The following TJP1 variants were observed in gnomAD, a reference collection of about 807,000 sequenced individuals.
TJP1 encodes the protein tight junction protein 1, also known as tight junction protein ZO-1.
A neutral mutation model predicts 194.2 loss-of-function variants in TJP1; 43 were observed. That is an observed-to-expected ratio of 0.22 (90% confidence interval 0.17 to 0.29). TJP1 has a LOEUF of 0.29. TJP1 is among the 10% of genes least tolerant of loss of function. TJP1 has a pLI of 1.00. For synonymous variants in TJP1, 801 were observed against 779.0 expected (o/e 1.03, Z -0.47); for missense variants, 1,971 against 2,185.7 (o/e 0.90, Z 1.96).
At chr15:29,832,441 A>G (rs1323782481) in intron 2 of TJP1, among the ~76,000 whole-genome samples, 1 of 152,204 alleles carries the variant, frequency 6.6e-6, no homozygotes, top group South Asian at 2.1e-4. Flanking sequence ...CAGAATCATG[A>G]TTGTTTTTTA....
chr15:29,914,828 C>A (rs553752563), intron 2 of TJP1, among the ~76,000 whole-genome samples: 1 of 151,924 alleles, frequency 6.6e-6, no homozygotes, highest in South Asian at 2.1e-4. Context: ...CTTGGGCCAT[C>A]TGGCCCCTCT....
intron 26 of TJP1, among the ~76,000 whole-genome samples, chr15:29,704,856 A>G (rs1180840306): frequency 1.3e-5 from 2 of 152,252 alleles, no homozygotes; most frequent in Non-Finnish European, 2.9e-5. Flanking sequence ...TTAAAACAGG[A>G]TATCCCCAAA....
At chr15:29,889,076 AGC>A (rs1428299028) in intron 2 of TJP1, among the ~76,000 whole-genome samples, 40 of 152,212 alleles carry the variant, frequency 2.6e-4, no homozygotes, top group Non-Finnish European at 5.1e-4. Flanking sequence ...TAAATAAGTG[AGC>A]AGGCCTCCAA....
chr15:29,782,767 AAT>A (rs2047444265), intron 2 of TJP1, among the ~76,000 whole-genome samples: 1 of 152,128 alleles, frequency 6.6e-6, no homozygotes, highest in South Asian at 2.1e-4. Flanking sequence ...CAACCTACAG[AAT>A]ATGAGAAAAC....
intron 16 of TJP1, 130 bp downstream of exon 16, chr15:29,727,807 G>C (rs1331660345): frequency 3.0e-6 from 2 of 668,210 alleles, no homozygotes; most frequent in African/African-American, 1.8e-5. Context: ...TTTTCAGTAA[G>C]GGCTTAATTT....
chr15:29,945,776 AACACACACAC>A (rs371167321), intron 2 of TJP1, among the ~76,000 whole-genome samples: 2,204 of 150,130 alleles, frequency 0.015, 22 homozygotes, highest in Admixed American at 0.022. Context: ...AAGGCTATTA[AACACACACAC>A]ACACACACAC....
At chr15:29,777,811 C>T (rs2047111886) in intron 2 of TJP1, among the ~76,000 whole-genome samples, 1 of 152,190 alleles carries the variant, frequency 6.6e-6, no homozygotes, top group Non-Finnish European at 1.5e-5. Flanking sequence ...CAAGGTTATT[C>T]ATTGCAGACT....
At chr15:29,806,413 T>C (rs541475866) in intron 1 of TJP1, among the ~76,000 whole-genome samples, 11 of 152,296 alleles carry the variant, frequency 7.2e-5, no homozygotes, top group African/African-American at 9.6e-5. Context: ...TTATCTGACA[T>C]CATAAAATAA....
intron 2 of TJP1, among the ~76,000 whole-genome samples, chr15:29,899,306 T>C (rs909796842): frequency 3.9e-5 from 6 of 152,368 alleles, no homozygotes; most frequent in African/African-American, 1.4e-4. Flanking sequence ...CAAATCCTTA[T>C]TTTATGTTTT....
rs943377525 is a variant in TJP1, at chr15:29,822,395, C to G, written c.-367G>C. 3.0e-6 allele frequency: 3 copies of G among 1,006,852 alleles called. No individual in the cohort carries two copies. In the African/African-American group the frequency reaches 5.2e-5, roughly 17 times the overall value. The allele number at this position is 1,006,852 out of a possible 1,614,324, so 62.4% of individuals were successfully genotyped here. ...CTCGGAAGCCGGCTTCGCCACGTAA[C>G]TTCCCGGGAACCGGCGGCCGCCAAG... is the stretch of plus-strand genomic sequence containing the variant. On this transcript the variant is annotated 5_prime_UTR_variant, in exon 1 of 28. Coordinates refer to ENST00000614355, the MANE Select transcript of TJP1 (RefSeq NM_001330239.4).
intron 2 of TJP1, among the ~76,000 whole-genome samples, chr15:29,895,924 C>A (rs1375273385): frequency 6.6e-6 from 1 of 152,030 alleles, no homozygotes; most frequent in Non-Finnish European, 1.5e-5. Context: ...TGGGGAGAGC[C>A]CACTCTCTCT....
intron 2 of TJP1, among the ~76,000 whole-genome samples, chr15:29,856,750 G>A (rs886166456): frequency 1.3e-5 from 2 of 151,754 alleles, no homozygotes; most frequent in African/African-American, 4.8e-5. Context: ...GAGGCGGGCA[G>A]ATCACGAGGT....
chr15:29,843,679 T>C (rs2051309831), intron 2 of TJP1, among the ~76,000 whole-genome samples: 2 of 152,084 alleles, frequency 1.3e-5, no homozygotes, highest in African/African-American at 4.8e-5. Context: ...AAGAAAAATA[T>C]GTGAAATGTT....
Position 29,772,125 on chromosome 15 carries a change from T to C in TJP1, c.251A>G (p.Asp84Gly), listed in dbSNP as rs755473377. ...RVAMVNGVSM[D>G]NVEHAFAVQQ... The stretch of plus-strand genomic sequence containing the variant: ...AACAGCAAAAGCATGTTCAACATTA[T>C]CCATTGAAACTCCGTTAACCATTGC... Residue 84 changes from aspartate to glycine, a missense_variant, in exon 4 of 28, where the codon GAT becomes GGT. Around this residue, in one of 5 missense-constraint regions of TJP1, gnomAD observed 245 missense variants for 336.6 expected, o/e 0.73. Transcript: ENST00000614355. The C allele has an allele frequency of 1.9e-6, 3 of 1,606,844 alleles. No homozygotes were observed. The highest frequency in any genetic ancestry group is 1.7e-5 in the Admixed American group (1 of 57,748).
In TJP1 at chr15:29,718,713, T is replaced by A; in HGVS notation, c.3429A>T (p.Arg1143Ser). 1 of 1,614,170 alleles carries A rather than the reference T, an allele frequency of 6.2e-7. No homozygotes were observed. The highest frequency in any genetic ancestry group is 8.5e-7 in the Non-Finnish European group (1 of 1,180,024). The change falls in exon 21 of 28, where the codon AGA becomes AGT. Residue 1143 changes from arginine to serine, a missense_variant. By Grantham distance (110) the Arg-to-Ser change is moderately radical. Around this residue, in one of 5 missense-constraint regions of TJP1, gnomAD observed 1,108 missense variants for 1,128.5 expected, o/e 0.98. Coordinates refer to ENST00000614355, the MANE Select transcript of TJP1 (RefSeq NM_001330239.4). ...EEPAPLSYDS[R>S]PRYEQAPRAS... is the part of the protein sequence containing the mutation. ...CTCTAGGTGCCTGTTCGTAACGTGG[T>A]CTGCTGTCGTAAGACAGAGGGGCTG...
chr15:29,966,105 G>A (rs907625782), intron 1 of TJP1, among the ~76,000 whole-genome samples: 4 of 152,192 alleles, frequency 2.6e-5, no homozygotes, highest in African/African-American at 9.7e-5. Flanking sequence ...TTCAGAAGCA[G>A]AACCCCAATG....
rs201899316 is a variant in TJP1 at position 29,718,913 on chromosome 15, G to A, written c.3229C>T (p.Arg1077Cys). ...GGGACGCGATCTTCGTATCGCAGACGATGTTCATAGTTTCGAGAAAACTGG... is the reference window on the plus strand; with the variant it reads ...GGGACGCGATCTTCGTATCGCAGACAATGTTCATAGTTTCGAGAAAACTGG... ...TDQFSRNYEH[R>C]LRYEDRVPMY... Residue 1077 changes from arginine to cysteine, a missense_variant, in exon 21 of 28, where the codon CGT becomes TGT. Arg to Cys is a radical substitution (Grantham distance 180). Coordinates refer to ENST00000614355, the MANE Select transcript of TJP1 (RefSeq NM_001330239.4). 3.2e-5 allele frequency: 52 copies of A among 1,614,192 alleles called. No homozygotes were observed. Among genetic ancestry groups the A allele is most frequent in the Admixed American group, 2.5e-4 (15 of 60,022 alleles).
intron 2 of TJP1, among the ~76,000 whole-genome samples, chr15:29,781,731 T>C (rs2151732657): frequency 6.6e-6 from 1 of 152,346 alleles, no homozygotes; most frequent in Admixed American, 6.5e-5. Context: ...ATTATCTTAA[T>C]AGATGCAGAA....
chr15:29,802,750 T>C (rs866748290), intron 1 of TJP1, among the ~76,000 whole-genome samples: 1 of 152,214 alleles, frequency 6.6e-6, no homozygotes, highest in Admixed American at 6.5e-5. Flanking sequence ...ATATTAAGAA[T>C]GAGAACTGCT....
Sources: gnomAD v4.1 joint callset for allele counts (sites outside exome capture counted in the v4.1 genomes callset) on GRCh38, gnomAD v4.1.1 for gene constraint, gnomAD v4.1.1 regional missense constraint, MANE v1.5 for transcripts, NCBI Gene and HGNC (gene_info 2026-07-23, HGNC 2026-07-21) for gene names.